PRKCH: variants seen among roughly 807,000 people sequenced by gnomAD.
The protein encoded by PRKCH is protein kinase C eta type.
PRKCH carries 28 observed loss-of-function variants against 82.5 expected under a neutral mutation model. The observed-to-expected ratio is 0.34, with a 90% CI of 0.25 to 0.47. The LOEUF is 0.47. Ranked by LOEUF, PRKCH falls within the 20% of genes least tolerant of loss-of-function variation. The pLI is 1.00. For synonymous variants in PRKCH, 322 were observed against 327.4 expected (o/e 0.98, Z 0.18); for missense variants, 705 against 881.8 (o/e 0.80, Z 2.54).
At chr14:61,547,497 T>G (rs2043272894) in intron 12 of PRKCH, among the ~76,000 whole-genome samples, 2 of 152,156 alleles carry the variant, frequency 1.3e-5, no homozygotes, top group Non-Finnish European at 2.9e-5. Context: ...AACTGGACCC[T>G]CCTGCTTTCT....
intron 1 of PRKCH, among the ~76,000 whole-genome samples, chr14:61,187,955 A>C (rs1335386979): frequency 6.6e-6 from 1 of 152,188 alleles, no homozygotes; most frequent in African/African-American, 2.4e-5. Flanking sequence ...CAGTTCATGA[A>C]TACTACAAAC....
Position 61,457,654 on chromosome 14 carries a change from A to C in PRKCH, c.1253A>C (p.Gln418Pro). Reference sequence around the variant, plus strand: ...GCCCGCAATCACCCCTTCCTCACTCAGTTGTTCTGCTGCTTTCAGACCCCC... The same window carrying C: ...GCCCGCAATCACCCCTTCCTCACTCCGTTGTTCTGCTGCTTTCAGACCCCC... ...SLARNHPFLT[Q>P]LFCCFQTPDR... Residue 418 changes from glutamine (Q) to proline (P), a missense_variant, in exon 9 of 14, where the codon CAG becomes CCG. Physicochemically the swap from Gln to Pro is moderately conservative, Grantham distance 76 (BLOSUM62 -1). Coordinates refer to ENST00000332981, the MANE Select transcript of PRKCH (RefSeq NM_006255.5). 6.2e-7 allele frequency: 1 copy of C among 1,614,096 alleles called. No homozygotes were observed. Among genetic ancestry groups the C allele is most frequent in the South Asian group, 1.1e-5 (1 of 91,070 alleles).
chr14:61,243,848 T>G (rs1594870535), intron 1 of PRKCH, among the ~76,000 whole-genome samples: 1 of 151,878 alleles, frequency 6.6e-6, no homozygotes, highest in Admixed American at 6.6e-5. Flanking sequence ...CAGTGGCTCA[T>G]GCCTATAATC....
At chr14:61,294,939 C>T (rs982880365) in intron 1 of PRKCH, among the ~76,000 whole-genome samples, 3 of 152,156 alleles carry the variant, frequency 2.0e-5, no homozygotes, top group Admixed American at 6.5e-5. Context: ...GTGGTGCGAT[C>T]TTGGCTCACT....
chr14:61,324,291 C>T (rs1254853494), intron 1 of PRKCH, among the ~76,000 whole-genome samples: 1 of 152,094 alleles, frequency 6.6e-6, no homozygotes, highest in Non-Finnish European at 1.5e-5. Context: ...AATCAGATAT[C>T]GATATTTATA....
At chr14:61,270,322 G>T (rs1472505008) in intron 1 of PRKCH, among the ~76,000 whole-genome samples, 1 of 151,960 alleles carries the variant, frequency 6.6e-6, no homozygotes, top group Non-Finnish European at 1.5e-5. Context: ...TTTTTAAAAA[G>T]AAAAAAGACA....
intron 4 of PRKCH, among the ~76,000 whole-genome samples, chr14:61,447,027 C>A (rs1036807667): frequency 6.6e-6 from 1 of 152,180 alleles, no homozygotes; most frequent in African/African-American, 2.4e-5. Context: ...TTGGTGATGT[C>A]TCCCTAAGGC....
At chr14:61,496,139 C>T (rs1322896609) in intron 10 of PRKCH, among the ~76,000 whole-genome samples, 1 of 152,178 alleles carries the variant, frequency 6.6e-6, no homozygotes, top group Non-Finnish European at 1.5e-5. Context: ...GCGTCGAGGG[C>T]CCAAGCCTTT....
At chr14:61,413,129 A>C (rs1039975753) in intron 2 of PRKCH, among the ~76,000 whole-genome samples, 3 of 152,000 alleles carry the variant, frequency 2.0e-5, no homozygotes, top group Non-Finnish European at 4.4e-5. Flanking sequence ...TATCTTGACA[A>C]ACGTTTTGTA....
intron 1 of PRKCH, among the ~76,000 whole-genome samples, chr14:61,282,945 A>G (rs2045284738): frequency 6.6e-6 from 1 of 152,010 alleles, no homozygotes; most frequent in Non-Finnish European, 1.5e-5. Flanking sequence ...TCTTTGTATC[A>G]TTATGGTTGA....
intron 1 of PRKCH, among the ~76,000 whole-genome samples, chr14:61,386,093 C>A (rs1444610889): frequency 2.6e-5 from 4 of 152,210 alleles, no homozygotes; most frequent in African/African-American, 9.7e-5. Context: ...CAGTATGCTG[C>A]TTGATCCATA....
intron 10 of PRKCH, among the ~76,000 whole-genome samples, chr14:61,515,428 C>G (rs1293815529): frequency 1.3e-5 from 2 of 152,182 alleles, no homozygotes; most frequent in Non-Finnish European, 2.9e-5. Context: ...GTTTGACAGT[C>G]TAGGATGAAC....
chr14:61,218,798 C>A (rs1325053536), intron 1 of PRKCH, among the ~76,000 whole-genome samples: 2 of 152,124 alleles, frequency 1.3e-5, no homozygotes, highest in African/African-American at 4.8e-5. Context: ...AGTGCTCCCC[C>A]GATGCTCTGT....
rs544633392 is a variant in PRKCH, at chr14:61,550,291, T to C, written c.*460T>C. The C allele has an allele frequency of 6.5e-6, 1 of 153,202 alleles. No individual in the cohort carries two copies. The highest frequency in any genetic ancestry group is 1.9e-4 in the East Asian group (1 of 5,210). 9.5% of individuals were successfully genotyped at this position (153,202 alleles called of 1,614,324 possible). On this transcript the variant is annotated 3_prime_UTR_variant, in exon 14 of 14. Transcript: ENST00000332981. The stretch of plus-strand genomic sequence containing the variant: ...AGTCTCTTAATGCTAATGAAGAATT[T>C]AAAGGTCTTTTTAAGGAAATGAAGG...
At chr14:61,325,575 G>A (rs1016841556) in intron 1 of PRKCH, among the ~76,000 whole-genome samples, 4 of 151,958 alleles carry the variant, frequency 2.6e-5, no homozygotes, top group South Asian at 2.1e-4. Context: ...TTTAGATAGC[G>A]TACAAAAGGC....
At chr14:61,242,685 A>G (rs1272806358) in intron 1 of PRKCH, among the ~76,000 whole-genome samples, 1 of 152,184 alleles carries the variant, frequency 6.6e-6, no homozygotes, top group Non-Finnish European at 1.5e-5. Context: ...GGCATGAGCC[A>G]CCATGCCAAG....
At chr14:61,316,862 C>T (rs1475007240), upstream of PRKCH, among the ~76,000 whole-genome samples, 3 of 152,106 alleles carry the variant, frequency 2.0e-5, no homozygotes, top group Non-Finnish European at 4.4e-5. Context: ...GACCATCTTC[C>T]CTGGCTGTAT....
chr14:61,465,758 G>A (rs968388389), intron 9 of PRKCH, among the ~76,000 whole-genome samples: 1 of 152,048 alleles, frequency 6.6e-6, no homozygotes, highest in Non-Finnish European at 1.5e-5. Context: ...TAGCAATGGG[G>A]GTACACTTCA....
intron 1 of PRKCH, among the ~76,000 whole-genome samples, chr14:61,359,638 G>C (rs1282013903): frequency 6.6e-6 from 1 of 152,140 alleles, no homozygotes; most frequent in African/African-American, 2.4e-5. Flanking sequence ...AAACTAGACT[G>C]ACCTACTTTA....
Sources: allele counts gnomAD v4.1 joint callset (sites outside exome capture counted in the v4.1 genomes callset), GRCh38; gene constraint gnomAD v4.1.1; transcripts MANE v1.5; gene names NCBI Gene and HGNC (gene_info 2026-07-23, HGNC 2026-07-21).